Variants in RABEP1 observed in about 807,000 individuals in gnomAD.
RABEP1 encodes rab GTPase-binding effector protein 1.
RABEP1 carries 51 observed loss-of-function variants against 123.4 expected under a neutral mutation model. The ratio of observed to expected loss-of-function variants is 0.41; its 90% confidence interval spans 0.33 to 0.52. The LOEUF is 0.52. RABEP1 is among the 20% of genes least tolerant of loss of function. The pLI, the probability that RABEP1 is intolerant of heterozygous loss-of-function variation, is 0.16. For missense variants in RABEP1, 888 were observed against 996.3 expected (o/e 0.89, Z 1.46); for synonymous variants, 347 against 355.2 (o/e 0.98, Z 0.26).
At chr17:5,352,971 A>C (rs2144653467) in intron 7 of RABEP1, among the ~76,000 whole-genome samples, 1 of 152,326 alleles carries the variant, frequency 6.6e-6, no homozygotes, top group East Asian at 1.9e-4. Context: ...TGGTTATCAA[A>C]AACTCTCCAT....
chr17:5,297,837 T>C (rs775036369), intron 1 of RABEP1, among the ~76,000 whole-genome samples: 1 of 152,244 alleles, frequency 6.6e-6, no homozygotes, highest in African/African-American at 2.4e-5. Context: ...TCAGCTGTTA[T>C]GCTCTATGGC....
At chr17:5,334,939 C>T (rs746757760) in intron 3 of RABEP1, among the ~76,000 whole-genome samples, 9 of 152,098 alleles carry the variant, frequency 5.9e-5, no homozygotes, top group Non-Finnish European at 1.3e-4. Flanking sequence ...TTAATCTTTC[C>T]TAAGGTTTTC....
At chr17:5,370,229 ATG>A (rs909382782) in intron 12 of RABEP1, among the ~76,000 whole-genome samples, 2 of 152,030 alleles carry the variant, frequency 1.3e-5, no homozygotes. Flanking sequence ...TAGGTATATG[ATG>A]TGTGTGTGTA....
chr17:5,286,852 A>G (rs1567861172), intron 1 of RABEP1, among the ~76,000 whole-genome samples: 1 of 152,122 alleles, frequency 6.6e-6, no homozygotes, highest in Non-Finnish European at 1.5e-5. Context: ...AAAAGAAAAC[A>G]GAGCAGGAGA....
chr17:5,334,799 G>T (rs1906906052), intron 3 of RABEP1, among the ~76,000 whole-genome samples: 1 of 152,152 alleles, frequency 6.6e-6, no homozygotes. Context: ...CAGGTAGTGG[G>T]ATTGGGGCGA....
chr17:5,355,419 CTA>C (rs1908930669), intron 8 of RABEP1, among the ~76,000 whole-genome samples: 1 of 152,170 alleles, frequency 6.6e-6, no homozygotes, highest in African/African-American at 2.4e-5. Flanking sequence ...AGAATAAAAA[CTA>C]AGATCCCCCA....
chr17:5,313,080 A>G (rs1189528607), intron 2 of RABEP1, among the ~76,000 whole-genome samples: 1 of 152,188 alleles, frequency 6.6e-6, no homozygotes. Context: ...ACTGCACTCC[A>G]GCCTGGTCGA....
At position 5,385,622 on chromosome 17, in the gene RABEP1, C is replaced by T. The variant is rs766784049; in HGVS notation, c.*2399C>T. The T allele has an allele frequency of 1.8e-4, 41 of 230,794 alleles. No homozygotes were observed. The highest frequency in any genetic ancestry group is 1.6e-3 in the Admixed American group (29 of 17,684). 14.3% of individuals were successfully genotyped at this position (230,794 alleles called of 1,614,324 possible). ...GTCCACTCAGTAACAAGTATTGGGA[C>T]GTAGAGCACAGCCTCACTCAGCTCT... On this transcript the variant is annotated 3_prime_UTR_variant, in exon 18 of 18. Coordinates refer to ENST00000537505, the MANE Select transcript of RABEP1 (RefSeq NM_004703.6).
intron 9 of RABEP1, among the ~76,000 whole-genome samples, chr17:5,362,397 G>C (rs1441256176): frequency 6.6e-6 from 1 of 152,158 alleles, no homozygotes; most frequent in African/African-American, 2.4e-5. Context: ...CTGACTCCTG[G>C]TGCTTTCCTT....
At chr17:5,351,685 C>T (rs1190927638) in intron 7 of RABEP1, among the ~76,000 whole-genome samples, 2 of 152,082 alleles carry the variant, frequency 1.3e-5, no homozygotes, top group Non-Finnish European at 2.9e-5. Flanking sequence ...GCCTGTAGTT[C>T]CAGCTACTTG....
rs942110371 is a variant in RABEP1 at position 5,282,459 on chromosome 17, C to G, written c.-28C>G. ...CCAGGACGCCGCTTCCCCGCCCATC[C>G]CCGCTCCCCGAGGCCGGCCGCCTGG... On this transcript the variant is annotated 5_prime_UTR_variant, in exon 1 of 18. Transcript: ENST00000537505. 12 of 1,349,004 alleles carry G rather than the reference C, an allele frequency of 8.9e-6. No individual in the cohort carries two copies. In the African/African-American group the frequency reaches 1.4e-4, roughly 15 times the overall value. The allele number at this position is 1,349,004 out of a possible 1,614,324, so 83.6% of individuals were successfully genotyped here. A position where few individuals can be genotyped will look rare whatever the true frequency, so the allele number is the denominator to read the frequency against.
At chr17:5,285,255 A>G (rs547302860) in intron 1 of RABEP1, among the ~76,000 whole-genome samples, 2 of 151,372 alleles carry the variant, frequency 1.3e-5, no homozygotes, top group African/African-American at 4.8e-5. Context: ...AAGTTCAACT[A>G]TATCTTTGAA....
At chr17:5,379,323 G>GT (rs1280466849) in intron 15 of RABEP1, among the ~76,000 whole-genome samples, 1 of 152,322 alleles carries the variant, frequency 6.6e-6, no homozygotes, top group South Asian at 2.1e-4. Context: ...CTTTGACTGA[G>GT]TATCTCCGAC....
intron 1 of RABEP1, among the ~76,000 whole-genome samples, chr17:5,294,063 G>A (rs903396187): frequency 2.6e-5 from 4 of 152,200 alleles, no homozygotes; most frequent in African/African-American, 9.7e-5. Context: ...AGCAAAGACA[G>A]TTTATTAACA....
chr17:5,353,005 C>T (rs983200136), intron 7 of RABEP1, among the ~76,000 whole-genome samples: 90 of 152,304 alleles, frequency 5.9e-4, no homozygotes, highest in African/African-American at 2.0e-3. Context: ...TACAATTATA[C>T]GGTTCCTGTG....
intron 5 of RABEP1, among the ~76,000 whole-genome samples, chr17:5,345,422 A>G (rs1195514898): frequency 1.3e-5 from 2 of 152,214 alleles, no homozygotes; most frequent in African/African-American, 2.4e-5. Context: ...AGTAATTCAA[A>G]TAGTATGTCA....
Position 5,378,206 on chromosome 17 carries a change from G to A in RABEP1, c.2245G>A (p.Glu749Lys). Residue 749 changes from glutamate (E) to lysine (K), a missense_variant, in exon 15 of 18, where the codon GAA becomes AAA. Physicochemically the swap from Glu to Lys is moderately conservative, Grantham distance 56. Coordinates refer to ENST00000537505, the MANE Select transcript of RABEP1 (RefSeq NM_004703.6). ...TATTTCTAGCCTAAAAGCTGAATTA[G>A]AAAGAATAAAAGTGGAAAAAGGACA... ...ASISSLKAEL[E>K]RIKVEKGQLE... is the part of the protein sequence containing the mutation. 1 of 1,593,072 alleles carries A rather than the reference G, an allele frequency of 6.3e-7. No individual in the cohort carries two copies. The highest frequency in any genetic ancestry group is 8.6e-7 in the Non-Finnish European group (1 of 1,161,102).
At chr17:5,365,464 T>C (rs1909930613) in intron 11 of RABEP1, among the ~76,000 whole-genome samples, 1 of 152,184 alleles carries the variant, frequency 6.6e-6, no homozygotes. Flanking sequence ...GTTCTGATTC[T>C]CCTTTCCTTT....
chr17:5,379,510 GATC>G (rs1346792711), intron 15 of RABEP1, among the ~76,000 whole-genome samples: 11 of 152,102 alleles, frequency 7.2e-5, no homozygotes, highest in Non-Finnish European at 1.6e-4. Context: ...CCACAGTCTT[GATC>G]ATCATCACTG....
Sources: allele counts gnomAD v4.1 joint callset (sites outside exome capture counted in the v4.1 genomes callset), GRCh38; gene constraint gnomAD v4.1.1; transcripts MANE v1.5; gene names NCBI Gene and HGNC (gene_info 2026-07-23, HGNC 2026-07-21).